Variants in ADAMTSL3 observed in about 807,000 individuals in gnomAD.
ADAMTSL3 encodes ADAMTS like 3.
Under a neutral mutation model 201.7 loss-of-function variants are expected in ADAMTSL3, and 128 were observed. The observed-to-expected ratio is 0.63, with a 90% CI of 0.55 to 0.73. The LOEUF is 0.73. ADAMTSL3 is among the 30% of genes least tolerant of loss of function. ADAMTSL3 has a pLI of 0.00. For missense variants in ADAMTSL3, 1,990 were observed against 2,119.6 expected (o/e 0.94, Z 1.20); for synonymous variants, 738 against 748.4 (o/e 0.99, Z 0.23).
chr15:83,688,080 G>C (rs958556037), intron 2 of ADAMTSL3, among the ~76,000 whole-genome samples: 1 of 152,200 alleles, frequency 6.6e-6, no homozygotes, highest in African/African-American at 2.4e-5. Context: ...GCAGCAGGAG[G>C]AAAGGAATGG....
chr15:83,668,117 A>G (rs114364860), intron 2 of ADAMTSL3, among the ~76,000 whole-genome samples: 2,193 of 152,168 alleles, frequency 0.014, 47 homozygotes, highest in African/African-American at 0.05. Context: ...GTGCCATGGA[A>G]TAAGCAATTG....
chr15:84,020,165 A>G (rs1292247755), intron 25 of ADAMTSL3, among the ~76,000 whole-genome samples: 1 of 152,104 alleles, frequency 6.6e-6, no homozygotes, highest in South Asian at 2.1e-4. Context: ...TACCTCAATT[A>G]AAAAAACACA....
intron 16 of ADAMTSL3, among the ~76,000 whole-genome samples, chr15:83,919,103 T>C (rs1318744065): frequency 1.3e-5 from 2 of 152,264 alleles, no homozygotes; most frequent in East Asian, 3.9e-4. Context: ...TTAAGATGCC[T>C]CTCGACTTCC....
chr15:83,693,522 G>A (rs1188450147), intron 2 of ADAMTSL3, among the ~76,000 whole-genome samples: 1 of 152,118 alleles, frequency 6.6e-6, no homozygotes, highest in Non-Finnish European at 1.5e-5. Context: ...AGAGAGTATA[G>A]ACCCTTTGAA....
chr15:83,876,344 T>C (rs1386186470), intron 9 of ADAMTSL3, among the ~76,000 whole-genome samples: 6 of 152,092 alleles, frequency 3.9e-5, no homozygotes, highest in Admixed American at 3.3e-4. Flanking sequence ...TTTCTATTTA[T>C]ATAAATTTTT....
At chr15:83,859,143 G>A (rs1397162253) in intron 8 of ADAMTSL3, among the ~76,000 whole-genome samples, 2 of 152,208 alleles carry the variant, frequency 1.3e-5, no homozygotes, top group Admixed American at 1.3e-4. Context: ...TAAAGACAGG[G>A]AGATAGAAGT....
rs150242790 is a variant in ADAMTSL3, at chr15:84,009,915, A to G, written c.3974-4627A>G. On this transcript the variant is annotated intron_variant, in intron 23 of 29. Coordinates refer to ENST00000286744, the MANE Select transcript of ADAMTSL3 (RefSeq NM_207517.3). ...TGTAGAATTGACAGCACCGCTTACC[A>G]GCTTCTTACCGTGGAGGAATAATGA... Among the ~76,000 whole-genome samples, 1,056 of 152,368 alleles carry G rather than the reference A, an allele frequency of 6.9e-3. 17 individuals carry two copies. The highest frequency in any genetic ancestry group is 0.024 in the African/African-American group (1,006 of 41,594).
Position 83,913,223 on chromosome 15 carries a change from G to GC in ADAMTSL3, c.1836dup (p.Lys613GlnfsTer14). ...GAGCTGCCCGAGGAAGAGTGTGAAG[G>GC]CCCCAAGCTGCCCACCGAACGGCCC... On this transcript the variant is annotated frameshift_variant, in exon 16 of 30. Transcript: ENST00000286744. LOFTEE classifies it high-confidence loss of function. The GC allele has an allele frequency of 6.2e-7, 1 of 1,614,038 alleles. No individual in the cohort carries two copies. Among genetic ancestry groups the GC allele is most frequent in the Non-Finnish European group, 8.5e-7 (1 of 1,180,016 alleles).
At position 83,897,817 on chromosome 15, in the gene ADAMTSL3, T is replaced by C. The variant is rs758833068; in HGVS notation, c.1468-41T>C. The C allele has an allele frequency of 7.8e-6, 12 of 1,541,896 alleles. No homozygotes were observed. The South Asian group carries it at 1.5e-4, about 19-fold the overall frequency. On this transcript the variant is annotated intron_variant, in intron 13 of 29. Coordinates refer to ENST00000286744, the MANE Select transcript of ADAMTSL3 (RefSeq NM_207517.3). ...CGATAAAATAATGCCTTTGTGGTTCTCTTAAAAGAAATGCGTTGGCTTCTC... is the reference window on the plus strand; with the variant it reads ...CGATAAAATAATGCCTTTGTGGTTCCCTTAAAAGAAATGCGTTGGCTTCTC...
chr15:83,969,103 A>G (rs2067144770), intron 19 of ADAMTSL3, among the ~76,000 whole-genome samples: 1 of 152,146 alleles, frequency 6.6e-6, no homozygotes, highest in African/African-American at 2.4e-5. Flanking sequence ...GTGGACCTGT[A>G]TAACAAACCT....
intron 3 of ADAMTSL3, among the ~76,000 whole-genome samples, chr15:83,769,776 T>C (rs2062949394): frequency 6.6e-6 from 1 of 151,924 alleles, no homozygotes; most frequent in Non-Finnish European, 1.5e-5. Context: ...CCTCTTTTAA[T>C]TTAATTTTTC....
intron 16 of ADAMTSL3, among the ~76,000 whole-genome samples, chr15:83,923,498 A>G (rs890153788): frequency 1.1e-4 from 17 of 152,188 alleles, no homozygotes; most frequent in Admixed American, 4.6e-4. Context: ...ATTCTTATGA[A>G]GCTGATTCAA....
intron 2 of ADAMTSL3, among the ~76,000 whole-genome samples, chr15:83,688,753 T>TACAC (rs371646287): frequency 0.14 from 20,362 of 147,510 alleles, 1,613 homozygotes; most frequent in East Asian, 0.33. Flanking sequence ...CATGCATATA[T>TACAC]ATACACACAC....
chr15:83,788,568 T>C (rs935002613), intron 4 of ADAMTSL3, among the ~76,000 whole-genome samples: 5 of 152,226 alleles, frequency 3.3e-5, no homozygotes, highest in African/African-American at 7.2e-5. Context: ...GTAATGTTAC[T>C]GAGAAATCTA....
chr15:83,843,808 G>A (rs754861113), intron 7 of ADAMTSL3, among the ~76,000 whole-genome samples: 2 of 152,160 alleles, frequency 1.3e-5, no homozygotes, highest in African/African-American at 2.4e-5. Flanking sequence ...CAGACACAAG[G>A]TGTAAGAGCC....
chr15:83,946,910 C>T (rs1596453515), intron 19 of ADAMTSL3, among the ~76,000 whole-genome samples: 1 of 152,164 alleles, frequency 6.6e-6, no homozygotes, highest in Non-Finnish European at 1.5e-5. Flanking sequence ...ATCTAGGAAG[C>T]CCCTATCTGG....
At chr15:83,751,114 C>T (rs1180730086) in intron 3 of ADAMTSL3, among the ~76,000 whole-genome samples, 1 of 152,080 alleles carries the variant, frequency 6.6e-6, no homozygotes, top group East Asian at 1.9e-4. Context: ...ATCCATTAGT[C>T]ACATGGTTTG....
chr15:84,021,377 G>T (rs1239421479), intron 25 of ADAMTSL3, 33 bp from the exon 26 acceptor site: 2 of 1,611,798 alleles, frequency 1.2e-6, no homozygotes, highest in Non-Finnish European at 1.7e-6. Context: ...TTCTCTTTTG[G>T]GGCTGGCATG....
chr15:83,727,478 GTTGT>G (rs1391658841), intron 3 of ADAMTSL3, among the ~76,000 whole-genome samples: 1 of 151,656 alleles, frequency 6.6e-6, no homozygotes, highest in Non-Finnish European at 1.5e-5. Context: ...GCATCATTAG[GTTGT>G]TTATTTACAA....
Sources: allele counts gnomAD v4.1 joint callset (sites outside exome capture counted in the v4.1 genomes callset), GRCh38; gene constraint gnomAD v4.1.1; transcripts MANE v1.5; gene names NCBI Gene and HGNC (gene_info 2026-07-23, HGNC 2026-07-21).